Variants in RARS2 observed in about 807,000 individuals in gnomAD.
The protein encoded by RARS2 is arginyl-tRNA synthetase 2, mitochondrial, also known as probable arginine--tRNA ligase, mitochondrial.
Under a neutral mutation model 88.5 loss-of-function variants are expected in RARS2, and 67 were observed. The observed-to-expected ratio is 0.76, with a 90% CI of 0.62 to 0.93. The LOEUF is 0.93. Ranked by LOEUF, RARS2 falls within the 40% of genes least tolerant of loss-of-function variation. RARS2 has a pLI of 0.00. For missense variants in RARS2, 664 were observed against 684.2 expected, an observed-to-expected ratio of 0.97 and a Z score of 0.33; for synonymous variants, 239 against 230.3, an observed-to-expected ratio of 1.04 and a Z score of -0.34.
intron 4 of RARS2, among the ~76,000 whole-genome samples, chr6:87,562,434 T>A (rs554737651): frequency 6.6e-6 from 1 of 152,224 alleles, no homozygotes; most frequent in Non-Finnish European, 1.5e-5. Context: ...ATACACGTTG[T>A]GTATGAAATG....
At chr6:87,529,357 G>C (rs554170100) in intron 10 of RARS2, among the ~76,000 whole-genome samples, 185 bp downstream of exon 10, 1 of 152,236 alleles carries the variant, frequency 6.6e-6, no homozygotes, top group African/African-American at 2.4e-5. Context: ...CTTTCTCCAA[G>C]CCTGAACAGC....
Position 87,542,081 on chromosome 6 carries a change from G to A in RARS2, c.536-87C>T. ...GGGAATAGGTATAATTCTATAAAAA[G>A]ACCAACCTGTCATATTATGTATCCT... is the stretch of plus-strand genomic sequence containing the variant. On this transcript the variant is annotated intron_variant, in intron 7 of 19. Coordinates refer to ENST00000369536, the MANE Select transcript of RARS2 (RefSeq NM_020320.5). 4 of 1,014,910 alleles carry A rather than the reference G, an allele frequency of 3.9e-6. No individual in the cohort carries two copies. The South Asian group carries it at 5.2e-5, about 13-fold the overall frequency. The allele number at this position is 1,014,910 out of a possible 1,614,324, so 62.9% of individuals were successfully genotyped here.
chr6:87,523,983 A>C (rs182436387), intron 11 of RARS2, among the ~76,000 whole-genome samples: 194 of 152,336 alleles, frequency 1.3e-3, no homozygotes, highest in African/African-American at 3.9e-3. Context: ...GGAAGTTAAA[A>C]GACTTAATTG....
intron 10 of RARS2, among the ~76,000 whole-genome samples, chr6:87,528,064 A>T (rs1179780997): frequency 1.0e-4 from 3 of 30,062 alleles, no homozygotes; most frequent in East Asian, 1.1e-3. Flanking sequence ...CTGGGAACAT[A>T]AAAAAAAAAA....
In RARS2 at chr6:87,589,925, G is replaced by C. The variant is rs766850119; in HGVS notation, c.33C>G (p.Cys11Trp). MACGFRRAIA[C>W]QLSRVLNLPP... ...CTGCGCGCTCCGGGATCCATACCTG[G>C]CAAGCAATAGCGCGGCGAAAGCCGC... The change falls in exon 1 of 20, where the codon TGC becomes TGG. Residue 11 changes from cysteine to tryptophan, a missense_variant. By Grantham distance (215) the Cys-to-Trp change is radical. Coordinates refer to ENST00000369536, the MANE Select transcript of RARS2 (RefSeq NM_020320.5). 2 of 1,613,888 alleles carry C rather than the reference G, an allele frequency of 1.2e-6. No homozygotes were observed. Among genetic ancestry groups the C allele is most frequent in the Non-Finnish European group, 1.7e-6 (2 of 1,179,958 alleles).
chr6:87,575,242 C>CAT (rs1401292281), intron 1 of RARS2, among the ~76,000 whole-genome samples: 5 of 142,922 alleles, frequency 3.5e-5, no homozygotes, highest in Admixed American at 7.0e-5. Context: ...CACACACACA[C>CAT]ACACACACAC....
intron 2 of RARS2, among the ~76,000 whole-genome samples, chr6:87,568,783 C>T (rs942045623): frequency 6.6e-6 from 1 of 152,124 alleles, no homozygotes; most frequent in Non-Finnish European, 1.5e-5. Flanking sequence ...TCTTAAAGTC[C>T]TGACAAAGTT....
At chr6:87,583,191 A>T (rs1674958932) in intron 1 of RARS2, among the ~76,000 whole-genome samples, 1 of 152,238 alleles carries the variant, frequency 6.6e-6, no homozygotes, top group Non-Finnish European at 1.5e-5. Context: ...CAAAATGTTA[A>T]TAACTGCTGA....
chr6:87,567,564 T>C (rs1215227487), intron 2 of RARS2, among the ~76,000 whole-genome samples: 3 of 152,180 alleles, frequency 2.0e-5, no homozygotes, highest in Non-Finnish European at 4.4e-5. Context: ...TTAACAAAAA[T>C]ACTATTTCTT....
intron 7 of RARS2, among the ~76,000 whole-genome samples, chr6:87,542,666 A>AAAAAG (rs1453574280): frequency 6.6e-6 from 1 of 151,876 alleles, no homozygotes; most frequent in African/African-American, 2.4e-5. Flanking sequence ...AAAAAGAAAA[A>AAAAAG]AAAAAACCCA....
chr6:87,536,909 G>A (rs1355453516), intron 8 of RARS2, among the ~76,000 whole-genome samples: 2 of 152,136 alleles, frequency 1.3e-5, no homozygotes, highest in Non-Finnish European at 2.9e-5. Flanking sequence ...TAGGTCCCAC[G>A]TACAAAACAG....
chr6:87,549,610 T>C (rs771379477), intron 5 of RARS2, among the ~76,000 whole-genome samples: 2 of 151,472 alleles, frequency 1.3e-5, no homozygotes, highest in African/African-American at 2.4e-5. Context: ...ACAATCAGAA[T>C]GTGGCTCACC....
chr6:87,529,477 A>C, intron 10 of RARS2, 65 bp downstream of exon 10: 1 of 1,043,744 alleles, frequency 9.6e-7, no homozygotes, highest in African/African-American at 1.6e-5. Flanking sequence ...CCTTACTCAA[A>C]GGATACATCA....
chr6:87,514,238 G>A lies in RARS2; in HGVS notation c.*175C>T, dbSNP rs1376559926. ...AGGCAGGAGAATTGCTTGAACCTGG[G>A]AGGTGGAGGTTGCAGTGAGCCAACA... On this transcript the variant is annotated 3_prime_UTR_variant, in exon 20 of 20. Coordinates refer to ENST00000369536, the MANE Select transcript of RARS2 (RefSeq NM_020320.5). 2.2e-6 allele frequency: 1 copy of A among 458,808 alleles called. No homozygotes were observed. The highest frequency in any genetic ancestry group is 2.0e-5 in the African/African-American group (1 of 49,616). The allele number at this position is 458,808 out of a possible 1,614,324, so 28.4% of individuals were successfully genotyped here.
intron 8 of RARS2, among the ~76,000 whole-genome samples, chr6:87,540,235 A>G (rs1457653729): frequency 6.6e-6 from 1 of 151,554 alleles, no homozygotes; most frequent in Non-Finnish European, 1.5e-5. Flanking sequence ...TGATCATGAG[A>G]TCAGGAGTTC....
intron 11 of RARS2, among the ~76,000 whole-genome samples, chr6:87,522,785 AT>A (rs957340460): frequency 1.1e-3 from 165 of 152,202 alleles, no homozygotes; most frequent in African/African-American, 3.7e-3. Context: ...GCCACTGCAT[AT>A]TTTTTGTAGA....
chr6:87,548,717 T>A, intron 5 of RARS2, 71 bp from the exon 6 acceptor site: 1 of 1,421,840 alleles, frequency 7.0e-7, no homozygotes, highest in Non-Finnish European at 9.8e-7. Context: ...AGGTCATGCC[T>A]CCATACTTTG....
intron 4 of RARS2, among the ~76,000 whole-genome samples, chr6:87,560,756 G>A (rs1787599943): frequency 6.6e-6 from 1 of 152,176 alleles, no homozygotes; most frequent in Non-Finnish European, 1.5e-5. Flanking sequence ...GCGCGGTGGT[G>A]CATGCCTGTA....
intron 5 of RARS2, among the ~76,000 whole-genome samples, chr6:87,549,114 G>A (rs1052932439): frequency 8.6e-5 from 13 of 152,018 alleles, no homozygotes; most frequent in Non-Finnish European, 1.6e-4. Flanking sequence ...CAGCACTTTG[G>A]GAGGCCGAGG....
Sources: allele counts gnomAD v4.1 joint callset (sites outside exome capture counted in the v4.1 genomes callset), GRCh38; gene constraint gnomAD v4.1.1; transcripts MANE v1.5; gene names NCBI Gene and HGNC (gene_info 2026-07-23, HGNC 2026-07-21).